The following RGS3 variants were observed in gnomAD, a reference collection of about 807,000 sequenced individuals.
RGS3 encodes regulator of G protein signaling 3, also known as regulator of G-protein signalling 3.
A neutral mutation model predicts 132.6 loss-of-function variants in RGS3; 80 were observed. The observed-to-expected ratio is 0.60, with a 90% CI of 0.50 to 0.73. RGS3 has a LOEUF of 0.73. RGS3 is among the 30% of genes least tolerant of loss of function. The pLI, the probability that RGS3 is intolerant of heterozygous loss-of-function variation, is 0.00. For synonymous variants in RGS3, 598 were observed against 620.6 expected, an observed-to-expected ratio of 0.96 and a Z score of 0.54; for missense variants, 1,382 against 1,530.8, an observed-to-expected ratio of 0.90 and a Z score of 1.62.
At chr9:113,552,502 T>C (rs1173454126) in intron 19 of RGS3, among the ~76,000 whole-genome samples, 6 of 152,172 alleles carry the variant, frequency 3.9e-5, no homozygotes, top group Non-Finnish European at 8.8e-5. Flanking sequence ...ATTTTTTTAG[T>C]AGAGACGGGG....
intron 20 of RGS3, among the ~76,000 whole-genome samples, chr9:113,590,174 G>A (rs1835344113): frequency 6.6e-6 from 1 of 152,198 alleles, no homozygotes; most frequent in Non-Finnish European, 1.5e-5. Flanking sequence ...CTTACATGCT[G>A]GGTCTCCTTG....
chr9:113,575,662 T>C (rs1834484738), intron 19 of RGS3, among the ~76,000 whole-genome samples: 1 of 152,136 alleles, frequency 6.6e-6, no homozygotes, highest in South Asian at 2.1e-4. Flanking sequence ...TCACTTCCCT[T>C]CTCTGGGCCT....
intron 19 of RGS3, chr9:113,581,954 C>G: frequency 2.3e-6 from 2 of 886,584 alleles, no homozygotes; most frequent in Non-Finnish European, 2.7e-6. Context: ...CCAAGGCCTC[C>G]CCTCCCTTGC....
At chr9:113,595,195 G>A in intron 23 of RGS3, 1 of 595,918 alleles carries the variant, frequency 1.7e-6, no homozygotes, top group Non-Finnish European at 3.0e-6. Flanking sequence ...ATGTGAGCTG[G>A]CACTGCCTGC....
At chr9:113,451,992 C>A (rs1301338982) in intron 1 of RGS3, among the ~76,000 whole-genome samples, 1 of 151,670 alleles carries the variant, frequency 6.6e-6, no homozygotes, top group Admixed American at 6.6e-5. Context: ...TTTTCTTTTT[C>A]TTCTTTTTGT....
At chr9:113,517,427 C>G (rs1831734307) in intron 15 of RGS3, 114 bp from the exon 14 acceptor site, 2 of 835,002 alleles carry the variant, frequency 2.4e-6, no homozygotes, top group Admixed American at 1.8e-5. Flanking sequence ...GGCTGACAGT[C>G]TTCTCTGGGT....
upstream of RGS3, chr9:113,460,192 A>G (rs955318343): frequency 8.3e-7 from 1 of 1,206,616 alleles, no homozygotes; most frequent in African/African-American, 1.7e-5. Flanking sequence ...TATTTTTTTG[A>G]GGATAAATTT....
At position 113,507,708 on chromosome 9, in the gene RGS3, C is replaced by A; in HGVS notation, c.1437+70C>A. On this transcript the variant is annotated intron_variant, in intron 13 of 24. Transcript: ENST00000350696. The surrounding 1 kb of genome is among the most constrained non-coding windows in gnomAD (Gnocchi z 5.0). ...GTGGGAGGCCAGGAAGACTTGAAGA[C>A]CCAAAGTTGTGTGATGAGCAGCCTG... 7.7e-7 allele frequency: 1 copy of A among 1,298,704 alleles called. No homozygotes were observed. Among genetic ancestry groups the A allele is most frequent in the Non-Finnish European group, 1.0e-6 (1 of 972,802 alleles). 80.4% of individuals were successfully genotyped at this position (1,298,704 alleles called of 1,614,324 possible). A position where few individuals can be genotyped will look rare whatever the true frequency, so the allele number is the denominator to read the frequency against.
chr9:113,575,621 G>A (rs1271045184), intron 19 of RGS3, among the ~76,000 whole-genome samples: 1 of 152,184 alleles, frequency 6.6e-6, no homozygotes, highest in Non-Finnish European at 1.5e-5. Context: ...CTGGATTTTA[G>A]TGCTGATTCT....
chr9:113,505,102 A>G, intron 10 of RGS3: 1 of 285,714 alleles, frequency 3.5e-6, no homozygotes, highest in Non-Finnish European at 6.7e-6. Context: ...GGTGAGGCTG[A>G]GTCATGCAGT....
intron 19 of RGS3, among the ~76,000 whole-genome samples, chr9:113,577,617 C>T (rs1834592117): frequency 6.6e-6 from 1 of 152,126 alleles, no homozygotes; most frequent in African/African-American, 2.4e-5. Context: ...GGTCTCCATC[C>T]ATGTCCCTGG....
At chr9:113,569,831 A>C (rs967494030) in intron 19 of RGS3, among the ~76,000 whole-genome samples, 1 of 152,054 alleles carries the variant, frequency 6.6e-6, no homozygotes, top group Non-Finnish European at 1.5e-5. Flanking sequence ...CCAGGGAAGC[A>C]CTCAGTTCAG....
At chr9:113,454,541 G>A (rs1829323119) in intron 1 of RGS3, among the ~76,000 whole-genome samples, 1 of 152,112 alleles carries the variant, frequency 6.6e-6, no homozygotes, top group Non-Finnish European at 1.5e-5. Context: ...CTGGGAGGTG[G>A]AGGTTGCAGT....
intron 15 of RGS3, chr9:113,517,281 T>A: frequency 1.6e-6 from 1 of 616,298 alleles, no homozygotes; most frequent in Non-Finnish European, 3.0e-6. Flanking sequence ...TGGTTAGACT[T>A]CCTGTCAATG....
intron 17 of RGS3, among the ~76,000 whole-genome samples, chr9:113,527,687 C>A (rs1832274588): frequency 6.6e-6 from 1 of 152,180 alleles, no homozygotes. Flanking sequence ...TGCCCATATA[C>A]CTTGCTTCGA....
intron 4 of RGS3, among the ~76,000 whole-genome samples, chr9:113,481,907 G>A (rs1830171246): frequency 6.6e-6 from 1 of 152,168 alleles, no homozygotes; most frequent in African/African-American, 2.4e-5. Context: ...TTAGCCGGGT[G>A]TGGTGGCACA....
At chr9:113,496,574 G>A (rs1430555372) in intron 8 of RGS3, among the ~76,000 whole-genome samples, 8 of 151,272 alleles carry the variant, frequency 5.3e-5, no homozygotes, top group East Asian at 1.9e-4. Context: ...CTTTTGAGAC[G>A]GAGTCTCACT....
chr9:113,495,843 C>T, exon 8 of RGS3: 3 of 1,613,722 alleles, frequency 1.9e-6, no homozygotes, highest in East Asian at 2.2e-5. Context: ...TGACTCCAGA[C>T]AAGGTGGGTC....
chr9:113,583,761 T>A (rs766015006), exon 20 of RGS3: 2 of 1,614,094 alleles, frequency 1.2e-6, no homozygotes, highest in South Asian at 2.2e-5. Context: ...AGGACCTACC[T>A]GCTGGTCAAG....
Sources: allele counts gnomAD v4.1 joint callset (sites outside exome capture counted in the v4.1 genomes callset), GRCh38; gene constraint gnomAD v4.1.1; non-coding constraint Gnocchi (gnomAD v3.1); transcripts MANE v1.5; gene names NCBI Gene and HGNC (gene_info 2026-07-23, HGNC 2026-07-21).